The following PHKB variants were observed in gnomAD, a reference collection of about 807,000 sequenced individuals.
PHKB encodes phosphorylase b kinase regulatory subunit beta.
PHKB carries 122 observed loss-of-function variants against 152.1 expected under a neutral mutation model. That is an observed-to-expected ratio of 0.80 (90% confidence interval 0.69 to 0.93). The LOEUF is 0.93. Among genes scored for constraint, PHKB ranks in the 40% least tolerant of loss-of-function variants. The pLI is 0.00. For missense variants in PHKB, 1,304 were observed against 1,328.4 expected (o/e 0.98, Z 0.29); for synonymous variants, 436 against 464.9 (o/e 0.94, Z 0.80).
intron 25 of PHKB, among the ~76,000 whole-genome samples, chr16:47,668,768 G>A (rs1266706124): frequency 2.6e-5 from 4 of 152,144 alleles, no homozygotes; most frequent in Non-Finnish European, 4.4e-5. Flanking sequence ...AAAGGTTATA[G>A]TGTTGCTGAG....
rs9934103 is a variant in PHKB, at chr16:47,477,352, C to G, written c.76+15926C>G. 4.2e-3 allele frequency among the ~76,000 whole-genome samples: 637 copies of G among 152,160 alleles called. 6 individuals carry two copies. Among genetic ancestry groups the G allele is most frequent in the African/African-American group, 0.015 (607 of 41,510 alleles). The stretch of plus-strand genomic sequence containing the variant: ...GATACAAGGCTTGGTGCTGGGGACT[C>G]AATGTTGAATAATAATACAAGTTGA... On this transcript the variant is annotated intron_variant, in intron 1 of 30. Coordinates refer to ENST00000323584, the MANE Select transcript of PHKB (RefSeq NM_000293.3).
intron 13 of PHKB, among the ~76,000 whole-genome samples, chr16:47,608,357 T>C (rs1400729898): frequency 6.6e-6 from 1 of 152,346 alleles, no homozygotes; most frequent in East Asian, 1.9e-4. Flanking sequence ...TTATATATGG[T>C]GTGAGGAAAA....
At chr16:47,586,013 C>T (rs1054914455) in intron 8 of PHKB, among the ~76,000 whole-genome samples, 1 of 152,082 alleles carries the variant, frequency 6.6e-6, no homozygotes, top group African/African-American at 2.4e-5. Context: ...ATATTATATC[C>T]ATTTATTTCT....
chr16:47,540,241 A>C, intron 6 of PHKB, among the ~76,000 whole-genome samples: 1 of 150,338 alleles, frequency 6.7e-6, no homozygotes, highest in African/African-American at 2.4e-5. Flanking sequence ...AGGGTGTGGA[A>C]AAACCTCCCT....
intron 6 of PHKB, among the ~76,000 whole-genome samples, chr16:47,542,028 T>C (rs1971069331): frequency 6.6e-6 from 1 of 152,206 alleles, no homozygotes; most frequent in Non-Finnish European, 1.5e-5. Context: ...ATTTTGGCTT[T>C]TGTTACCATT....
At chr16:47,485,803 T>C (rs1295825954) in intron 1 of PHKB, among the ~76,000 whole-genome samples, 1 of 152,044 alleles carries the variant, frequency 6.6e-6, no homozygotes, top group Non-Finnish European at 1.5e-5. Flanking sequence ...AATTTTTTTG[T>C]ACAGATGGGG....
At position 47,648,524 on chromosome 16, in the gene PHKB, G is replaced by A; in HGVS notation, c.1609-9G>A. 1 of 1,598,748 alleles carries A rather than the reference G, an allele frequency of 6.3e-7. No homozygotes were observed. On this transcript the variant is annotated splice_polypyrimidine_tract_variant and intron_variant, in intron 16 of 30. Coordinates refer to ENST00000323584, the MANE Select transcript of PHKB (RefSeq NM_000293.3). ...ACCTGACTCTAATTTACAAACTTGT[G>A]TCTTACAGGCTTATTTGCAGCTGGG...
In PHKB at chr16:47,511,550, G is replaced by C; in HGVS notation, c.406-115G>C. On this transcript the variant is annotated intron_variant, in intron 4 of 30. Coordinates refer to ENST00000323584, the MANE Select transcript of PHKB (RefSeq NM_000293.3). ...AAAAGGTAACGTTTCTGCTTTGTTC[G>C]GTCCTCTGCCTTAGCTTTGTTCATT... 3.9e-6 allele frequency: 3 copies of C among 760,034 alleles called. No individual in the cohort carries two copies. In the East Asian group the frequency reaches 7.9e-5, roughly 20 times the overall value. The allele number at this position is 760,034 out of a possible 1,614,324, so 47.1% of individuals were successfully genotyped here.
intron 14 of PHKB, among the ~76,000 whole-genome samples, chr16:47,620,137 T>A (rs1972591616): frequency 6.6e-6 from 1 of 152,176 alleles, no homozygotes; most frequent in Non-Finnish European, 1.5e-5. Context: ...TTAAGAAAAA[T>A]TGATGTTTTT....
Position 47,660,519 on chromosome 16 carries a change from G to A in PHKB, c.1985G>A (p.Gly662Glu). The change falls in exon 21 of 31, where the codon GGA becomes GAA. Residue 662 changes from glycine to glutamate, a missense_variant. By Grantham distance (98) the Gly-to-Glu change is moderately conservative. Transcript: ENST00000323584. Reference sequence around the variant, plus strand: ...ATCACGTTTCAGACACTAATATCTGGAGCTGTGGTAGAACAACTTGATTTC... The same window carrying A: ...ATCACGTTTCAGACACTAATATCTGAAGCTGTGGTAGAACAACTTGATTTC... Reference protein sequence around the residue: ...HVDRLQTLISGAVVEQLDFLR... With the variant: ...HVDRLQTLISEAVVEQLDFLR... 3 of 1,613,220 alleles carry A rather than the reference G, an allele frequency of 1.9e-6. No individual in the cohort carries two copies. The highest frequency in any genetic ancestry group is 1.7e-6 in the Non-Finnish European group (2 of 1,179,250).
chr16:47,505,073 A>G (rs1970389754), intron 4 of PHKB, among the ~76,000 whole-genome samples: 1 of 152,198 alleles, frequency 6.6e-6, no homozygotes, highest in Admixed American at 6.5e-5. Flanking sequence ...GTTCCCTCCA[A>G]GGTTTCTCTC....
At chr16:47,697,871 A>G (rs908311578) in intron 29 of PHKB, among the ~76,000 whole-genome samples, 3 of 152,266 alleles carry the variant, frequency 2.0e-5, no homozygotes, top group African/African-American at 7.2e-5. Context: ...TAGTTTATAC[A>G]GACCAAATAG....
At chr16:47,522,164 A>G (rs753502844) in intron 6 of PHKB, among the ~76,000 whole-genome samples, 13 of 152,092 alleles carry the variant, frequency 8.5e-5, no homozygotes, top group Non-Finnish European at 1.6e-4. Flanking sequence ...TAAATGTTTG[A>G]TAGATTTTAT....
At chr16:47,582,373 A>G (rs763295093) in intron 8 of PHKB, among the ~76,000 whole-genome samples, 5 of 152,156 alleles carry the variant, frequency 3.3e-5, no homozygotes, top group African/African-American at 7.2e-5. Flanking sequence ...TCAGTGCTCT[A>G]CTTTTCCCAG....
chr16:47,544,458 T>C (rs1971122380), intron 6 of PHKB, among the ~76,000 whole-genome samples: 1 of 152,220 alleles, frequency 6.6e-6, no homozygotes, highest in Non-Finnish European at 1.5e-5. Flanking sequence ...AGAGACAGTT[T>C]GTTGTGATTG....
chr16:47,464,046 TTC>T, intron 1 of PHKB: 1 of 1,124,266 alleles, frequency 8.9e-7, no homozygotes, highest in Non-Finnish European at 1.4e-6. Flanking sequence ...ATACCTTTGT[TTC>T]TGAAGGTTGA....
chr16:47,584,372 T>C (rs1186598013), intron 8 of PHKB, among the ~76,000 whole-genome samples: 1 of 152,210 alleles, frequency 6.6e-6, no homozygotes, highest in African/African-American at 2.4e-5. Flanking sequence ...TCAAATGTCA[T>C]AGTCATAGTA....
intron 26 of PHKB, among the ~76,000 whole-genome samples, chr16:47,680,996 C>T (rs1175034559): frequency 6.6e-6 from 1 of 152,178 alleles, no homozygotes; most frequent in African/African-American, 2.4e-5. Flanking sequence ...TTTTAAAGAA[C>T]ATCTGTGTTT....
intron 13 of PHKB, among the ~76,000 whole-genome samples, chr16:47,597,401 T>C (rs1313383309): frequency 2.0e-5 from 3 of 152,152 alleles, no homozygotes; most frequent in Non-Finnish European, 4.4e-5. Flanking sequence ...AGATTTCCAA[T>C]TTGAGCTTTA....
Sources: gnomAD v4.1 joint callset for allele counts (sites outside exome capture counted in the v4.1 genomes callset) on GRCh38, gnomAD v4.1.1 for gene constraint, MANE v1.5 for transcripts, NCBI Gene and HGNC (gene_info 2026-07-23, HGNC 2026-07-21) for gene names.